HDX: variants seen among roughly 807,000 people sequenced by gnomAD.
The protein encoded by HDX is chromosome X open reading frame 43.
In HDX, 19 loss-of-function variants were observed where a neutral mutation model predicts 45.2. The ratio of observed to expected loss-of-function variants is 0.42; its 90% CI spans 0.29 to 0.62. The LOEUF is 0.62. HDX is among the 20% of genes least tolerant of loss of function. The probability of loss-of-function intolerance (pLI) is 0.20; values close to 1 mark genes in which losing one functional copy is unlikely to be tolerated. For missense variants in HDX, 532 were observed against 493.9 expected (o/e 1.08, Z -0.73); for synonymous variants, 188 against 172.8 (o/e 1.09, Z -0.69).
chrX:84,370,270 G>A (rs1438244833), intron 5 of HDX, among the ~76,000 whole-genome samples: 1 of 111,423 alleles, frequency 9.0e-6, no homozygotes, highest in Non-Finnish European at 1.9e-5. Context: ...TTCCTCGTTC[G>A]CAGGCCTTTG....
intron 5 of HDX, among the ~76,000 whole-genome samples, chrX:84,377,330 T>C (rs1195543170): frequency 9.0e-6 from 1 of 111,472 alleles, no homozygotes; most frequent in Non-Finnish European, 1.9e-5. Flanking sequence ...AACTCTTCAA[T>C]GTGCAGATAC....
intron 4 of HDX, among the ~76,000 whole-genome samples, chrX:84,450,716 A>G (rs1243035269): frequency 8.9e-6 from 1 of 112,449 alleles, no homozygotes; most frequent in Non-Finnish European, 1.9e-5. Flanking sequence ...TTTACAGAAT[A>G]TTTCATCAAA....
At chrX:84,407,515 G>A (rs2038860111) in intron 5 of HDX, among the ~76,000 whole-genome samples, 1 of 111,115 alleles carries the variant, frequency 9.0e-6, no homozygotes, top group South Asian at 3.8e-4. Context: ...GTGCTGCAAT[G>A]AACATACACA....
At chrX:84,352,554 G>A (rs1485576978) in intron 6 of HDX, among the ~76,000 whole-genome samples, 2 of 111,094 alleles carry the variant, frequency 1.8e-5, no homozygotes, top group Non-Finnish European at 3.8e-5. Context: ...TTTGGTACAG[G>A]CATGCAAAGC....
rs1017989992 is a variant in HDX, at chrX:84,457,323, ACT to A, written c.1251+11147_1251+11148del. Among the ~76,000 whole-genome samples the A allele has an allele frequency of 3.5e-3, 392 of 111,305 alleles. 2 individuals carry two copies. Among genetic ancestry groups the A allele is most frequent in the African/African-American group, 0.012 (377 of 30,695 alleles). On this transcript the variant is annotated intron_variant, in intron 4 of 10. Transcript: ENST00000373177. Reference sequence around the variant, plus strand: ...TTTATCTATTACTAATGTATAAAAGACTCTCTATAAAATACTGCTAAAGAAGA... The same window carrying A: ...TTTATCTATTACTAATGTATAAAAGACTCTATAAAATACTGCTAAAGAAGA...
At position 84,384,621 on chromosome X, in the gene HDX, T is replaced by C. The variant is rs777844874; in HGVS notation, c.1306-23009A>G. Among the ~76,000 whole-genome samples the C allele has an allele frequency of 2.7e-5, 3 of 109,450 alleles. No homozygotes were observed. The East Asian group carries it at 8.6e-4, about 32-fold the overall frequency. On this transcript the variant is annotated intron_variant, in intron 5 of 10. Transcript: ENST00000373177. The stretch of plus-strand genomic sequence containing the variant: ...TCACCAAAGCTAATGTGGAGAAGGG[T>C]ATTTCCTAAGTTTTCCTGTAAGATT...
chrX:84,445,641 A>T (rs984077178), intron 4 of HDX, among the ~76,000 whole-genome samples: 13 of 109,854 alleles, frequency 1.2e-4, no homozygotes, highest in African/African-American at 3.7e-4. Flanking sequence ...ATTATTTATG[A>T]TTGAGAACAA....
chrX:84,448,126 C>T (rs1328194034), intron 4 of HDX, among the ~76,000 whole-genome samples: 6 of 111,843 alleles, frequency 5.4e-5, no homozygotes, highest in Admixed American at 4.7e-4. Context: ...TAGGTTACCC[C>T]GCCCCATCCA....
At chrX:84,372,333 G>A (rs1485962531) in intron 5 of HDX, among the ~76,000 whole-genome samples, 1 of 111,618 alleles carries the variant, frequency 9.0e-6, no homozygotes, top group Non-Finnish European at 1.9e-5. Context: ...TATTTTATAT[G>A]CAACTTTAAG....
chrX:84,443,842 A>G (rs1481163141), intron 4 of HDX, among the ~76,000 whole-genome samples: 4 of 111,957 alleles, frequency 3.6e-5, no homozygotes, highest in African/African-American at 1.3e-4. Context: ...AGTATATATA[A>G]CTTTCCAGTC....
intron 4 of HDX, among the ~76,000 whole-genome samples, chrX:84,461,702 G>A (rs987688583): frequency 3.6e-4 from 40 of 111,105 alleles, no homozygotes; most frequent in African/African-American, 1.3e-3. Flanking sequence ...GCACAGCAAA[G>A]GAAACAATCA....
intron 1 of HDX, among the ~76,000 whole-genome samples, chrX:84,496,913 C>T (rs1345521354): frequency 9.0e-6 from 1 of 111,315 alleles, no homozygotes; most frequent in Non-Finnish European, 1.9e-5. Flanking sequence ...TCTGTGTCCC[C>T]ACCCAAGTCT....
intron 5 of HDX, among the ~76,000 whole-genome samples, chrX:84,425,928 T>A: frequency 9.1e-6 from 1 of 109,988 alleles, no homozygotes; most frequent in Middle Eastern, 4.6e-3. Flanking sequence ...CAATAATAAA[T>A]TAATGGTAAT....
At chrX:84,458,378 T>G (rs2148112128) in intron 4 of HDX, among the ~76,000 whole-genome samples, 1 of 112,092 alleles carries the variant, frequency 8.9e-6, no homozygotes, top group Admixed American at 9.4e-5. Context: ...TGTAAATGGT[T>G]ACTTAGGTGA....
At chrX:84,409,571 T>C (rs1027955674) in intron 5 of HDX, among the ~76,000 whole-genome samples, 17 of 106,083 alleles carry the variant, frequency 1.6e-4, no homozygotes, top group Admixed American at 1.0e-3. Context: ...ATGTCCTTTG[T>C]AGGGACATGG....
intron 4 of HDX, among the ~76,000 whole-genome samples, chrX:84,455,505 C>T (rs1348138906): frequency 1.8e-5 from 2 of 111,413 alleles, no homozygotes; most frequent in Admixed American, 1.9e-4. Flanking sequence ...TGGAGACATG[C>T]TATTTGAAAA....
At chrX:84,391,006 T>A (rs2147930900) in intron 5 of HDX, among the ~76,000 whole-genome samples, 1 of 112,059 alleles carries the variant, frequency 8.9e-6, no homozygotes, top group Non-Finnish European at 1.9e-5. Context: ...ATACAATACA[T>A]TGTTGCTAAC....
At chrX:84,484,263 T>A (rs185726859) in intron 2 of HDX, among the ~76,000 whole-genome samples, 33 of 112,067 alleles carry the variant, frequency 2.9e-4, no homozygotes, top group African/African-American at 1.0e-3. Flanking sequence ...CACGCTGCTA[T>A]AAAGAATTGC....
In HDX at chrX:84,446,273, A is replaced by G. The variant is rs757349769; in HGVS notation, c.1252-5688T>C. 3.7e-4 allele frequency among the ~76,000 whole-genome samples: 41 copies of G among 112,143 alleles called. No homozygotes were observed. In the South Asian group the frequency reaches 4.4e-3, roughly 12 times the overall value. ...TCAGGTAAAAAAATAGAAATTTGGG[A>G]AATAAAAAAGCTCTTTACTAATTTC... On this transcript the variant is annotated intron_variant, in intron 4 of 10. Coordinates refer to ENST00000373177, the MANE Select transcript of HDX (RefSeq NM_001177479.2).
Sources: allele counts gnomAD v4.1 joint callset (sites outside exome capture counted in the v4.1 genomes callset), GRCh38; gene constraint gnomAD v4.1.1; transcripts MANE v1.5; gene names NCBI Gene and HGNC (gene_info 2026-07-23, HGNC 2026-07-21).